Variants in SLC45A2 observed in about 807,000 individuals in gnomAD.
The protein encoded by SLC45A2 is membrane-associated transporter protein.
In SLC45A2, 36 loss-of-function variants were observed where a neutral mutation model predicts 45.5. That is an observed-to-expected ratio of 0.79 (90% CI 0.61 to 1.04). The LOEUF is 1.04. SLC45A2 is among the 50% of genes least tolerant of loss of function. The pLI, the probability that SLC45A2 is intolerant of heterozygous loss-of-function variation, is 0.00. For synonymous variants in SLC45A2, 306 were observed against 269.3 expected (o/e 1.14, Z -1.33); for missense variants, 719 against 671.0 (o/e 1.07, Z -0.79).
At chr5:33,983,265 T>C (rs35388) in intron 1 of SLC45A2, among the ~76,000 whole-genome samples, 75,461 of 152,118 alleles carry the variant, frequency 0.5, 20,317 homozygotes, top group Non-Finnish European at 0.61. Context: ...CTATAAAAGA[T>C]ACATTGTTGT....
At chr5:33,969,163 C>G (rs2111978238) in intron 2 of SLC45A2, among the ~76,000 whole-genome samples, 1 of 150,676 alleles carries the variant, frequency 6.6e-6, no homozygotes, top group East Asian at 2.0e-4. Flanking sequence ...AGGAACTGTG[C>G]TAAACACTTG....
intron 1 of SLC45A2, 91 bp downstream of exon 1, chr5:33,984,108 A>G: frequency 6.4e-7 from 1 of 1,571,648 alleles, no homozygotes; most frequent in Non-Finnish European, 8.7e-7. Context: ...ACAAATTTCT[A>G]GGAAAGGTCA....
rs565757448 is a variant in SLC45A2, at chr5:33,979,487, C to T, written c.562+2749G>A. On this transcript the variant is annotated intron_variant, in intron 2 of 6. Transcript: ENST00000296589. ...TGCCAGATACTTTAGTTAATTCTAT[C>T]CTAAATCAGGAAAATAACTGGAAAG... 1.7e-3 allele frequency among the ~76,000 whole-genome samples: 265 copies of T among 152,192 alleles called. 1 individual carries two copies. Among genetic ancestry groups the T allele is most frequent in the Middle Eastern group, 3.4e-3 (1 of 294 alleles).
At chr5:33,967,109 C>T (rs1392086429) in intron 2 of SLC45A2, among the ~76,000 whole-genome samples, 3 of 152,208 alleles carry the variant, frequency 2.0e-5, no homozygotes, top group Non-Finnish European at 2.9e-5. Flanking sequence ...TCCAAAGCCT[C>T]CCCTAGAAGC....
intron 5 of SLC45A2, among the ~76,000 whole-genome samples, chr5:33,948,279 A>T (rs1300298861): frequency 1.3e-5 from 2 of 152,214 alleles, no homozygotes; most frequent in African/African-American, 2.4e-5. Context: ...ACTAATTTTT[A>T]AAAATGAAAA....
chr5:33,947,373 G>A lies in SLC45A2; in HGVS notation c.1158C>T (p.Tyr386=), dbSNP rs771661781. 1.2e-6 allele frequency: 2 copies of A among 1,614,026 alleles called. No individual in the cohort carries two copies. Among genetic ancestry groups the A allele is most frequent in the Admixed American group, 1.7e-5 (1 of 60,026 alleles). ...INSVFSSLYS[Y]FQKVLVSYIG... ...TGTAGGATACCAAAACTTTCTGAAAGTCTGTGGGAAGAAGAGAGGGAGAAA... is the reference window on the plus strand; with the variant it reads ...TGTAGGATACCAAAACTTTCTGAAAATCTGTGGGAAGAAGAGAGGGAGAAA... The change falls in exon 6 of 7, where the codon TAC becomes TAT. Residue 386 remains tyrosine, a splice_region_variant and synonymous_variant. Coordinates refer to ENST00000296589, the MANE Select transcript of SLC45A2 (RefSeq NM_016180.5).
intron 3 of SLC45A2, among the ~76,000 whole-genome samples, chr5:33,960,585 C>T (rs1396551650): frequency 6.6e-6 from 1 of 152,068 alleles, no homozygotes; most frequent in Non-Finnish European, 1.5e-5. Context: ...AAGAATGACA[C>T]AACAGACGTT....
At chr5:33,947,040 T>C (rs1751950569) in intron 6 of SLC45A2, 123 bp downstream of exon 6, 1 of 1,607,004 alleles carries the variant, frequency 6.2e-7, no homozygotes, top group Non-Finnish European at 8.5e-7. Context: ...GGTTGGGCAT[T>C]TGACTGTTGC....
At chr5:33,973,568 C>T (rs1412002180) in intron 2 of SLC45A2, among the ~76,000 whole-genome samples, 12 of 152,196 alleles carry the variant, frequency 7.9e-5, no homozygotes, top group Admixed American at 7.2e-4. Flanking sequence ...TTTTAAGACT[C>T]TTTTCTTAGC....
At chr5:33,946,892 T>C (rs1474482467) in intron 6 of SLC45A2, 1 of 1,400,112 alleles carries the variant, frequency 7.1e-7, no homozygotes. Flanking sequence ...CACCAAGCCT[T>C]TTTCTAATTA....
At chr5:33,975,306 C>T (rs1329899674) in intron 2 of SLC45A2, among the ~76,000 whole-genome samples, 1 of 152,208 alleles carries the variant, frequency 6.6e-6, no homozygotes, top group Admixed American at 6.5e-5. Flanking sequence ...TCCTTTTACA[C>T]AACTAACATG....
At chr5:33,947,458 T>C in intron 5 of SLC45A2, 84 bp from the exon 6 acceptor site, 2 of 1,299,620 alleles carry the variant, frequency 1.5e-6, no homozygotes, top group Non-Finnish European at 2.2e-6. Flanking sequence ...CTTCTGAAGA[T>C]TCACCTTTTT....
rs1753190275 is a variant in SLC45A2, at chr5:33,984,524, G to A, written c.60C>T (p.Gly20=). 15 of 1,612,786 alleles carry A rather than the reference G, an allele frequency of 9.3e-6. No individual in the cohort carries two copies. The highest frequency in any genetic ancestry group is 1.2e-5 in the Non-Finnish European group (14 of 1,180,020). Residue 20 remains glycine (G), a synonymous_variant, in exon 1 of 7, where the codon GGC becomes GGT. Coordinates refer to ENST00000296589, the MANE Select transcript of SLC45A2 (RefSeq NM_016180.5). ...RHIYKSLADD[G]PFDSVEPPKR... Reference sequence around the variant, plus strand: ...TAGGCGGCTCCACAGAGTCAAAGGGGCCATCATCAGCTAGGGATTTATAGA... The same window carrying A: ...TAGGCGGCTCCACAGAGTCAAAGGGACCATCATCAGCTAGGGATTTATAGA...
intron 5 of SLC45A2, among the ~76,000 whole-genome samples, chr5:33,949,287 T>TGGAAG (rs1752028775): frequency 6.6e-6 from 1 of 152,186 alleles, no homozygotes; most frequent in Non-Finnish European, 1.5e-5. Flanking sequence ...TAGTGAGCTC[T>TGGAAG]GGAAGGAAAG....
chr5:33,984,195 T>G lies in SLC45A2; in HGVS notation c.385+4A>C. 6.2e-7 allele frequency: 1 copy of G among 1,613,822 alleles called. No homozygotes were observed. The highest frequency in any genetic ancestry group is 8.5e-7 in the Non-Finnish European group (1 of 1,179,974). ...TGTCTGCCCACCTTGTGCAGCCCAC[T>G]TACCTGCTACAACAGTAGCCCCATT... On this transcript the variant is annotated splice_donor_region_variant and intron_variant, in intron 1 of 6. Transcript: ENST00000296589.
rs758472456 is a variant in SLC45A2 at position 33,984,521 on chromosome 5, G to C, written c.63C>G (p.Pro21=). 6 of 1,612,994 alleles carry C rather than the reference G, an allele frequency of 3.7e-6. No individual in the cohort carries two copies. Among genetic ancestry groups the C allele is most frequent in the Non-Finnish European group, 4.2e-6 (5 of 1,180,028 alleles). Residue 21 remains proline (P), a synonymous_variant, in exon 1 of 7, where the codon CCC becomes CCG. Transcript: ENST00000296589. Reference sequence around the variant, plus strand: ...TTTTAGGCGGCTCCACAGAGTCAAAGGGGCCATCATCAGCTAGGGATTTAT... The same window carrying C: ...TTTTAGGCGGCTCCACAGAGTCAAACGGGCCATCATCAGCTAGGGATTTAT... The part of the protein sequence containing the change: ...HIYKSLADDG[P]FDSVEPPKRP...
chr5:33,949,814 G>A (rs1042248486), intron 5 of SLC45A2, among the ~76,000 whole-genome samples: 6 of 151,856 alleles, frequency 4.0e-5, no homozygotes, highest in African/African-American at 7.2e-5. Context: ...AAATTTATGC[G>A]GACAAGACTA....
intron 2 of SLC45A2, among the ~76,000 whole-genome samples, chr5:33,968,846 T>C (rs1164651271): frequency 6.6e-6 from 1 of 152,200 alleles, no homozygotes; most frequent in Non-Finnish European, 1.5e-5. Context: ...GCTAGCTATG[T>C]GCTGTTTGCT....
At chr5:33,962,544 G>A (rs1752483525) in intron 3 of SLC45A2, among the ~76,000 whole-genome samples, 1 of 152,188 alleles carries the variant, frequency 6.6e-6, no homozygotes, top group South Asian at 2.1e-4. Flanking sequence ...GCACTCTAGT[G>A]TTCTGCCAGG....
Sources: allele counts gnomAD v4.1 joint callset (sites outside exome capture counted in the v4.1 genomes callset), GRCh38; gene constraint gnomAD v4.1.1; transcripts MANE v1.5; gene names NCBI Gene and HGNC (gene_info 2026-07-23, HGNC 2026-07-21).